Variants in NNT observed in about 807,000 individuals in gnomAD.
NNT encodes NAD(P) transhydrogenase, mitochondrial.
NNT carries 50 observed loss-of-function variants against 104.8 expected under a neutral mutation model. The ratio of observed to expected loss-of-function variants is 0.48; its 90% CI spans 0.38 to 0.60. The LOEUF (loss-of-function observed/expected upper bound fraction) is 0.60. Among genes scored for constraint, NNT ranks in the 20% least tolerant of loss-of-function variants. The probability of loss-of-function intolerance (pLI) is 0.00; values close to 1 mark genes in which losing one functional copy is unlikely to be tolerated. For synonymous variants in NNT, 461 were observed against 490.4 expected (o/e 0.94, Z 0.79); for missense variants, 1,131 against 1,330.7 (o/e 0.85, Z 2.33).
chr5:43,649,339 A>T, intron 11 of NNT, 31 bp downstream of exon 11: 1 of 1,610,976 alleles, frequency 6.2e-7, no homozygotes, highest in South Asian at 1.1e-5. Flanking sequence ...TCCTCATCTC[A>T]GGTTTTCATA....
chr5:43,669,145 T>C (rs1171322179), intron 17 of NNT, among the ~76,000 whole-genome samples: 3 of 152,206 alleles, frequency 2.0e-5, no homozygotes, highest in African/African-American at 7.2e-5. Context: ...CCTGAGACTT[T>C]GCTGAAGTTG....
intron 17 of NNT, among the ~76,000 whole-genome samples, chr5:43,672,188 A>G (rs1424155023): frequency 6.6e-6 from 1 of 152,156 alleles, no homozygotes; most frequent in Non-Finnish European, 1.5e-5. Context: ...CATTCGTCTT[A>G]ATATTTTTTC....
At chr5:43,644,494 T>C in intron 8 of NNT, 117 bp from the exon 9 acceptor site, 1 of 1,119,564 alleles carries the variant, frequency 8.9e-7, no homozygotes, top group Non-Finnish European at 1.3e-6. Flanking sequence ...GGTATGTATG[T>C]ATATTCATAA....
In NNT at chr5:43,645,767, T is replaced by A. The variant is rs1483796181; in HGVS notation, c.1444+257T>A. 4.5e-5 allele frequency: 6 copies of A among 134,332 alleles called. No homozygotes were observed. The East Asian group carries it at 1.3e-3, about 30-fold the overall frequency. The allele number at this position is 134,332 out of a possible 1,614,324, so 8.3% of individuals were successfully genotyped here. A position where few individuals can be genotyped will look rare whatever the true frequency, so the allele number is the denominator to read the frequency against. On this transcript the variant is annotated intron_variant, in intron 10 of 21. Transcript: ENST00000344920. ...TCTCGCTCTGTCGCCCAGGCTGGAG[T>A]GCAGTGGCGCGATCTTGGCTTACTG...
chr5:43,617,940 T>C (rs1348363110), intron 4 of NNT, among the ~76,000 whole-genome samples: 7 of 152,230 alleles, frequency 4.6e-5, no homozygotes, highest in Non-Finnish European at 1.0e-4. Flanking sequence ...TCAAGTATTA[T>C]TATGTAAAAA....
chr5:43,696,421 C>T (rs991579655), intron 19 of NNT, among the ~76,000 whole-genome samples: 1 of 152,182 alleles, frequency 6.6e-6, no homozygotes, highest in Non-Finnish European at 1.5e-5. Context: ...CAGCCTCCCT[C>T]CTGGCTGCTT....
chr5:43,668,954 G>C (rs939165306), intron 17 of NNT, among the ~76,000 whole-genome samples: 4 of 151,902 alleles, frequency 2.6e-5, no homozygotes, highest in Non-Finnish European at 4.4e-5. Flanking sequence ...CTTTTATTTC[G>C]TTGAGCACTG....
rs1751386831 is a variant in NNT at position 43,644,273 on chromosome 5, A to G, written c.1046A>G (p.Glu349Gly). ...TCAGTTGTTGTGGATTTAGCTGCTG[A>G]GGCTGGTGGAAACTTTGAAACCACT... is the stretch of plus-strand genomic sequence containing the variant. ...EGSVVVDLAA[E>G]AGGNFETTKP... The change falls in exon 8 of 22, where the codon GAG (glutamate) becomes GGG (glycine). Residue 349 changes from glutamate to glycine, a missense_variant. Coordinates refer to ENST00000344920, the MANE Select transcript of NNT (RefSeq NM_182977.3). 6.2e-7 allele frequency: 1 copy of G among 1,613,974 alleles called. No homozygotes were observed. Among genetic ancestry groups the G allele is most frequent in the Non-Finnish European group, 8.5e-7 (1 of 1,179,952 alleles).
At chr5:43,607,231 C>T (rs917105237) in intron 1 of NNT, among the ~76,000 whole-genome samples, 6 of 152,098 alleles carry the variant, frequency 3.9e-5, no homozygotes, top group Admixed American at 3.9e-4. Context: ...ATCCAGATGG[C>T]CTGAAGCAAC....
At chr5:43,656,843 T>G (rs1238706982) in intron 16 of NNT, 30 bp downstream of exon 16, 3 of 1,586,792 alleles carry the variant, frequency 1.9e-6, no homozygotes, top group Non-Finnish European at 1.7e-6. Context: ...AAAGTACATA[T>G]TTGGTGAAGA....
chr5:43,667,345 A>G, intron 17 of NNT: 2 of 540,428 alleles, frequency 3.7e-6, no homozygotes, highest in Non-Finnish European at 6.6e-6. Context: ...ATATGTATAC[A>G]TGCGCCATGT....
chr5:43,683,179 C>T (rs1741813026), intron 19 of NNT, among the ~76,000 whole-genome samples: 2 of 152,194 alleles, frequency 1.3e-5, no homozygotes, highest in African/African-American at 4.8e-5. Flanking sequence ...ATTCGTGTAA[C>T]TGGTCAAATG....
At chr5:43,650,449 A>G (rs1209518454) in intron 11 of NNT, 28 bp from the exon 12 acceptor site, 4 of 1,518,976 alleles carry the variant, frequency 2.6e-6, no homozygotes, top group Middle Eastern at 1.7e-4. Flanking sequence ...CACTATCACT[A>G]TTAACCATGT....
chr5:43,687,216 G>T (rs1171511751), intron 19 of NNT, among the ~76,000 whole-genome samples: 1 of 152,140 alleles, frequency 6.6e-6, no homozygotes, highest in Non-Finnish European at 1.5e-5. Flanking sequence ...AATTCTGAAA[G>T]CCTGCAAGAT....
chr5:43,640,320 C>T (rs901319677), intron 7 of NNT, among the ~76,000 whole-genome samples: 2 of 152,022 alleles, frequency 1.3e-5, no homozygotes, highest in Non-Finnish European at 2.9e-5. Flanking sequence ...TTAGTTATGC[C>T]CATGTCTCCC....
intron 19 of NNT, among the ~76,000 whole-genome samples, chr5:43,694,711 T>G (rs1372425176): frequency 6.6e-6 from 1 of 151,744 alleles, no homozygotes; most frequent in Non-Finnish European, 1.5e-5. Context: ...TTTGCATCAA[T>G]GTTCATCAAG....
chr5:43,618,741 G>A (rs1749916572), intron 4 of NNT, among the ~76,000 whole-genome samples: 1 of 152,110 alleles, frequency 6.6e-6, no homozygotes, highest in Non-Finnish European at 1.5e-5. Context: ...TAGACTTCTG[G>A]CTCTACCATT....
At position 43,659,306 on chromosome 5, in the gene NNT, C is replaced by G. The variant is rs1320251208; in HGVS notation, c.2590C>G (p.Leu864Val). Residue 864 changes from leucine (L) to valine (V), a missense_variant, in exon 17 of 22, where the codon CTC becomes GTC. Coordinates refer to ENST00000344920, the MANE Select transcript of NNT (RefSeq NM_182977.3). Reference protein sequence around the residue: ...NNNLLTIVGALIGSSGAILSY... With the variant: ...NNNLLTIVGAVIGSSGAILSY... ...CAATCTGCTGACCATCGTGGGTGCA[C>G]TCATAGGCTCGTCTGGTGCTATCCT... 6.2e-7 allele frequency: 1 copy of G among 1,613,732 alleles called. No homozygotes were observed. Among genetic ancestry groups the G allele is most frequent in the African/African-American group, 1.3e-5 (1 of 74,864 alleles).
At chr5:43,608,511 T>C (rs1269691874) in intron 1 of NNT, among the ~76,000 whole-genome samples, 2 of 152,214 alleles carry the variant, frequency 1.3e-5, no homozygotes, top group Non-Finnish European at 2.9e-5. Context: ...AATTTTTCTT[T>C]CTTTCTTCTT....
Sources: allele counts gnomAD v4.1 joint callset (sites outside exome capture counted in the v4.1 genomes callset), GRCh38; gene constraint gnomAD v4.1.1; transcripts MANE v1.5; gene names NCBI Gene and HGNC (gene_info 2026-07-23, HGNC 2026-07-21).